FBLIM1: variants seen among roughly 807,000 people sequenced by gnomAD.
FBLIM1 encodes filamin-binding LIM protein 1.
FBLIM1 carries 29 observed loss-of-function variants against 37.4 expected under a neutral mutation model. The ratio of observed to expected loss-of-function variants is 0.77; its 90% CI spans 0.58 to 1.06. The LOEUF (loss-of-function observed/expected upper bound fraction) is 1.06, where lower values mean the gene tolerates loss of function less well. FBLIM1 is among the 50% of genes least tolerant of loss of function. FBLIM1 has a pLI of 0.00. For missense variants in FBLIM1, 449 were observed against 505.6 expected (o/e 0.89, Z 1.07); for synonymous variants, 193 against 199.0 (o/e 0.97, Z 0.25).
chr1:15,782,003 C>T (rs558107649), intron 8 of FBLIM1, among the ~76,000 whole-genome samples: 87 of 151,976 alleles, frequency 5.7e-4, no homozygotes, highest in African/African-American at 1.8e-3. Flanking sequence ...CAGGTGTGAG[C>T]CACCGCACCT....
At position 15,772,640 on chromosome 1, in the gene FBLIM1, T is replaced by A. The variant is rs187531455; in HGVS notation, c.712-1978T>A. Among the ~76,000 whole-genome samples the A allele has an allele frequency of 3.0e-3, 457 of 152,168 alleles. 5 individuals carry two copies. The highest frequency in any genetic ancestry group is 0.01 in the African/African-American group (430 of 41,528). On this transcript the variant is annotated intron_variant, in intron 6 of 8. Transcript: ENST00000375766. Reference sequence around the variant, plus strand: ...TCATTGCTCCTCATTCCAGAAGGAATTTGAGGCAGCTTCTATGAATGCATG... The same window carrying A: ...TCATTGCTCCTCATTCCAGAAGGAAATTGAGGCAGCTTCTATGAATGCATG...
At chr1:15,776,974 G>T (rs1020038678) in intron 7 of FBLIM1, 196 bp from the exon 8 acceptor site, 3 of 537,722 alleles carry the variant, frequency 5.6e-6, no homozygotes, top group African/African-American at 1.9e-5. Flanking sequence ...CTCCAGTGAC[G>T]CTGGGAAACC....
chr1:15,773,822 G>A (rs1010690287), intron 6 of FBLIM1, among the ~76,000 whole-genome samples: 54 of 151,510 alleles, frequency 3.6e-4, no homozygotes, highest in Admixed American at 6.6e-4. Flanking sequence ...AAAGTGAGAC[G>A]AGATCAAAGG....
chr1:15,756,762 C>G (rs2148406892), upstream of FBLIM1: 1 of 152,602 alleles, frequency 6.6e-6, no homozygotes, highest in South Asian at 2.1e-4. Flanking sequence ...CCCCTCATTC[C>G]CCTTGGACTG....
chr1:15,768,728 C>T, intron 5 of FBLIM1, 98 bp downstream of exon 5: 1 of 749,456 alleles, frequency 1.3e-6, no homozygotes, highest in Non-Finnish European at 2.0e-6. Flanking sequence ...TCTTCCCATC[C>T]CCACCCCAGC....
chr1:15,763,663 A>T (rs1009725814), intron 1 of FBLIM1, among the ~76,000 whole-genome samples: 7 of 151,500 alleles, frequency 4.6e-5, no homozygotes, highest in Non-Finnish European at 1.0e-4. Flanking sequence ...AAAAAAAGAC[A>T]GAGTCTCGCT....
At chr1:15,759,762 G>A (rs1221694981) in intron 1 of FBLIM1, among the ~76,000 whole-genome samples, 1 of 152,228 alleles carries the variant, frequency 6.6e-6, no homozygotes, top group Non-Finnish European at 1.5e-5. Flanking sequence ...AAAGAAGTGG[G>A]GCCGCGTGTG....
intron 8 of FBLIM1, among the ~76,000 whole-genome samples, chr1:15,784,244 C>T (rs919109638): frequency 3.3e-5 from 5 of 152,082 alleles, no homozygotes; most frequent in African/African-American, 1.2e-4. Context: ...CTCTTCTAGC[C>T]CCAACTTTCC....
chr1:15,776,883 A>G (rs1372503971), intron 7 of FBLIM1: 5 of 257,802 alleles, frequency 1.9e-5, no homozygotes, highest in Non-Finnish European at 3.7e-5. Flanking sequence ...AAAAAAAAAA[A>G]AAGAAGTACT....
intron 4 of FBLIM1, among the ~76,000 whole-genome samples, chr1:15,768,134 C>T (rs1367885942): frequency 1.3e-5 from 2 of 152,140 alleles, no homozygotes; most frequent in African/African-American, 2.4e-5. Context: ...CCGCATGGCT[C>T]GGCCTCCCAA....
At position 15,768,422 on chromosome 1, in the gene FBLIM1, C is replaced by T. The variant is rs953054322; in HGVS notation, c.439-106C>T. 19 of 706,580 alleles carry T rather than the reference C, an allele frequency of 2.7e-5. 1 individual carries two copies. The East Asian group carries it at 2.9e-4, about 11-fold the overall frequency. The allele number at this position is 706,580 out of a possible 1,614,324, so 43.8% of individuals were successfully genotyped here. The stretch of plus-strand genomic sequence containing the variant: ...TGCTTCCCTGGGCCTTGGTTTCCTT[C>T]TCGGTACAATGCGGCTAATTGTACC... On this transcript the variant is annotated intron_variant, in intron 4 of 8. Transcript: ENST00000375766.
chr1:15,771,627 G>A (rs1213437322), intron 6 of FBLIM1, among the ~76,000 whole-genome samples: 1 of 151,966 alleles, frequency 6.6e-6, no homozygotes, highest in East Asian at 1.9e-4. Context: ...CACTTCAGCG[G>A]CCCTATTGTC....
intron 8 of FBLIM1, among the ~76,000 whole-genome samples, chr1:15,780,650 T>C (rs1260821175): frequency 6.6e-6 from 1 of 152,162 alleles, no homozygotes; most frequent in African/African-American, 2.4e-5. Flanking sequence ...TCTCCGGTGA[T>C]GGTGACAAGG....
intron 6 of FBLIM1, among the ~76,000 whole-genome samples, chr1:15,770,958 G>T (rs937402287): frequency 6.6e-6 from 1 of 151,872 alleles, no homozygotes; most frequent in Non-Finnish European, 1.5e-5. Context: ...TTTGCGGTGG[G>T]GGACGGAGTC....
At chr1:15,777,650 T>C (rs12041627) in intron 8 of FBLIM1, among the ~76,000 whole-genome samples, 66,256 of 148,934 alleles carry the variant, frequency 0.44, 15,475 homozygotes, top group East Asian at 0.76. Flanking sequence ...CTCAGCTCAC[T>C]GCAACCTCTA....
At chr1:15,762,775 T>G (rs1247570678) in intron 1 of FBLIM1, among the ~76,000 whole-genome samples, 1 of 152,218 alleles carries the variant, frequency 6.6e-6, no homozygotes, top group African/African-American at 2.4e-5. Context: ...AGTGAGCTTG[T>G]GAGCCAGCCT....
At chr1:15,775,046 G>A (rs761040919) in intron 7 of FBLIM1, 35 of 724,980 alleles carry the variant, frequency 4.8e-5, no homozygotes, top group Non-Finnish European at 7.6e-5. Context: ...GTGAAACCCC[G>A]TCTCTACTAA....
chr1:15,767,245 AC>A (rs1241518079), intron 3 of FBLIM1, 130 bp from the exon 4 acceptor site: 1 of 710,300 alleles, frequency 1.4e-6, no homozygotes. Context: ...GCAGAGTTAG[AC>A]ATGGAACCCA....
rs1015736255 is a variant in FBLIM1 at position 15,758,994 on chromosome 1, G to A, written c.-211+146G>A. 1.4e-4 allele frequency: 21 copies of A among 152,348 alleles called. No homozygotes were observed. The highest frequency in any genetic ancestry group is 1.0e-3 in the Admixed American group (16 of 15,306). 9.4% of individuals were successfully genotyped at this position (152,348 alleles called of 1,614,324 possible). ...GGCGCCCCTGGAGGGGCCTGCGGGT[G>A]GGGGGTGCGGTCCTCACGCCCTTTG... On this transcript the variant is annotated intron_variant, in intron 1 of 8. Transcript: ENST00000375766. The surrounding 1 kb of genome is among the most constrained non-coding windows in gnomAD (Gnocchi z 6.2).
Sources: gnomAD v4.1 joint callset for allele counts (sites outside exome capture counted in the v4.1 genomes callset) on GRCh38, gnomAD v4.1.1 for gene constraint, Gnocchi (gnomAD v3.1) non-coding constraint, MANE v1.5 for transcripts, NCBI Gene and HGNC (gene_info 2026-07-23, HGNC 2026-07-21) for gene names.